The following PTPN4 variants were observed in gnomAD, a reference collection of about 807,000 sequenced individuals.
PTPN4 encodes the protein tyrosine-protein phosphatase non-receptor type 4.
Under a neutral mutation model 135.5 loss-of-function variants are expected in PTPN4, and 49 were observed. The observed-to-expected ratio is 0.36, with a 90% CI of 0.29 to 0.46. The LOEUF (loss-of-function observed/expected upper bound fraction) is 0.46. Ranked by LOEUF, PTPN4 falls within the 20% of genes least tolerant of loss-of-function variation. The probability of loss-of-function intolerance (pLI) is 1.00; values close to 1 mark genes in which losing one functional copy is unlikely to be tolerated. For missense variants in PTPN4, 860 were observed against 1,101.0 expected (o/e 0.78, Z 3.10); for synonymous variants, 333 against 369.9 (o/e 0.90, Z 1.14).
At chr2:119,947,108 T>C (rs1238120538) in intron 18 of PTPN4, among the ~76,000 whole-genome samples, 1 of 152,200 alleles carries the variant, frequency 6.6e-6, no homozygotes. Context: ...CTGTTCATCA[T>C]AGGACAATTC....
chr2:119,941,169 A>T (rs576919815), intron 15 of PTPN4, among the ~76,000 whole-genome samples: 4 of 152,186 alleles, frequency 2.6e-5, no homozygotes, highest in African/African-American at 9.6e-5. Context: ...ATTATTTTTA[A>T]TGTATCATTT....
rs1679663426 is a variant in PTPN4 at position 119,979,619 on chromosome 2, G to A, written c.*2549G>A. On this transcript the variant is annotated 3_prime_UTR_variant, in exon 27 of 27. Coordinates refer to ENST00000263708, the MANE Select transcript of PTPN4 (RefSeq NM_002830.4). ...ATTACATCTAAGAACTTTTTAACCT[G>A]TATATCAATCTAAATAGGTTTCTAG... The A allele has an allele frequency of 6.6e-6, 1 of 152,002 alleles. No individual in the cohort carries two copies. Among genetic ancestry groups the A allele is most frequent in the East Asian group, 1.9e-4 (1 of 5,194 alleles). The allele number at this position is 152,002 out of a possible 1,614,324, so 9.4% of individuals were successfully genotyped here.
chr2:119,862,584 G>A lies in PTPN4; in HGVS notation c.187G>A (p.Asp63Asn), dbSNP rs1324562768. The change falls in exon 3 of 27, where the codon GAT becomes AAT. Residue 63 changes from aspartate (D) to asparagine (N), a missense_variant. By Grantham distance (23) the Asp-to-Asn change is conservative. Transcript: ENST00000263708. ...VLLDVVFKHL[D>N]LTEQDYFGLQ... ...GTTGGATGTCGTCTTCAAGCATCTA[G>A]ATTTGACTGAGCAGGACTATTTTGG... The A allele has an allele frequency of 1.2e-6, 2 of 1,612,866 alleles. No individual in the cohort carries two copies. The highest frequency in any genetic ancestry group is 2.7e-5 in the African/African-American group (2 of 74,762).
chr2:119,765,904 G>A (rs985134828), intron 1 of PTPN4, among the ~76,000 whole-genome samples: 2 of 129,410 alleles, frequency 1.5e-5, no homozygotes, highest in African/African-American at 5.6e-5. Context: ...GTCTGTTCCT[G>A]TGTGTGAATC....
intron 1 of PTPN4, among the ~76,000 whole-genome samples, chr2:119,786,555 G>A (rs1188207083): frequency 6.6e-6 from 1 of 152,154 alleles, no homozygotes; most frequent in East Asian, 1.9e-4. Context: ...AGTGCTGAGG[G>A]CTGAGGATCT....
chr2:119,922,956 T>C (rs1678760415), intron 12 of PTPN4, among the ~76,000 whole-genome samples: 1 of 152,246 alleles, frequency 6.6e-6, no homozygotes. Flanking sequence ...ACAGAGTTTA[T>C]AATATTCCCC....
At chr2:119,850,900 A>G (rs973002115) in intron 2 of PTPN4, among the ~76,000 whole-genome samples, 3 of 152,222 alleles carry the variant, frequency 2.0e-5, no homozygotes, top group African/African-American at 7.2e-5. Context: ...GGTCATGTGT[A>G]TAATCCTTTT....
intron 2 of PTPN4, among the ~76,000 whole-genome samples, chr2:119,851,459 C>G (rs538349684): frequency 6.6e-6 from 1 of 152,196 alleles, no homozygotes; most frequent in Non-Finnish European, 1.5e-5. Context: ...GATCCTAGGA[C>G]TTTATAGGAC....
At chr2:119,901,081 C>T (rs1678396362) in intron 10 of PTPN4, among the ~76,000 whole-genome samples, 1 of 152,072 alleles carries the variant, frequency 6.6e-6, no homozygotes. Context: ...AGATTTGCCC[C>T]CAGGGCAAAT....
At chr2:119,790,224 A>C (rs1033642973) in intron 1 of PTPN4, among the ~76,000 whole-genome samples, 2 of 151,910 alleles carry the variant, frequency 1.3e-5, no homozygotes, top group African/African-American at 2.4e-5. Flanking sequence ...TGTCTGTTAG[A>C]TCTAGTTGGT....
At chr2:119,931,681 C>G (rs986304312) in intron 13 of PTPN4, among the ~76,000 whole-genome samples, 2 of 151,850 alleles carry the variant, frequency 1.3e-5, no homozygotes, top group African/African-American at 4.8e-5. Flanking sequence ...TTCCAGTGAT[C>G]CTCCCACCTG....
chr2:119,900,751 A>G lies in PTPN4; in HGVS notation c.709A>G (p.Met237Val), dbSNP rs1678389743. ...QSNNEIMIGV[M>V]SGGILIYKNR... is the part of the protein sequence containing the mutation. Reference sequence around the variant, plus strand: ...TAACAATGAAATTATGATTGGAGTGATGTCAGGAGGAATTCTGATTTATAA... The same window carrying G: ...TAACAATGAAATTATGATTGGAGTGGTGTCAGGAGGAATTCTGATTTATAA... The change falls in exon 10 of 27, where the codon ATG (methionine) becomes GTG (valine). Residue 237 changes from methionine to valine, a missense_variant. Transcript: ENST00000263708. 6.3e-6 allele frequency: 10 copies of G among 1,587,098 alleles called. No homozygotes were observed. The highest frequency in any genetic ancestry group is 8.6e-6 in the Non-Finnish European group (10 of 1,166,374).
intron 2 of PTPN4, among the ~76,000 whole-genome samples, chr2:119,829,497 G>T (rs1231202389): frequency 6.6e-6 from 1 of 152,064 alleles, no homozygotes; most frequent in Non-Finnish European, 1.5e-5. Context: ...TCTCCCCTCA[G>T]CTCCTGTTAA....
chr2:119,815,217 CA>C (rs1267287863), intron 2 of PTPN4, among the ~76,000 whole-genome samples: 10 of 152,236 alleles, frequency 6.6e-5, no homozygotes, highest in Middle Eastern at 6.8e-3. Flanking sequence ...TGACTATACA[CA>C]AGTTGTTCTT....
chr2:119,931,868 GT>G (rs1225444495), intron 13 of PTPN4, among the ~76,000 whole-genome samples: 3 of 151,972 alleles, frequency 2.0e-5, no homozygotes, highest in Admixed American at 2.0e-4. Context: ...CCTCCAAAAT[GT>G]TTTTGGAAAA....
chr2:119,774,312 C>T (rs1690791573), intron 1 of PTPN4, among the ~76,000 whole-genome samples: 1 of 152,190 alleles, frequency 6.6e-6, no homozygotes. Flanking sequence ...TTGAGGTCTG[C>T]AGCTTTGGTT....
At chr2:119,892,775 G>C (rs184599466) in intron 9 of PTPN4, among the ~76,000 whole-genome samples, 2 of 151,594 alleles carry the variant, frequency 1.3e-5, no homozygotes, top group African/African-American at 4.8e-5. Context: ...AGGCTGGAGT[G>C]CATTGGTGCA....
At chr2:119,939,907 A>C (rs1574413737) in intron 15 of PTPN4, among the ~76,000 whole-genome samples, 1 of 152,224 alleles carries the variant, frequency 6.6e-6, no homozygotes, top group Non-Finnish European at 1.5e-5. Context: ...ATAGAAGGAG[A>C]TATCAAGCCA....
chr2:119,810,076 T>C, intron 2 of PTPN4, 85 bp downstream of exon 2: 1 of 1,406,924 alleles, frequency 7.1e-7, no homozygotes, highest in Non-Finnish European at 9.5e-7. Context: ...TATTAAATTA[T>C]AGTACAGTTT....
Sources: allele counts gnomAD v4.1 joint callset (sites outside exome capture counted in the v4.1 genomes callset), GRCh38; gene constraint gnomAD v4.1.1; transcripts MANE v1.5; gene names NCBI Gene and HGNC (gene_info 2026-07-23, HGNC 2026-07-21).